TIMD4: variants seen among roughly 807,000 people sequenced by gnomAD.
TIMD4 encodes T cell immunoglobulin and mucin domain containing 4.
TIMD4 carries 31 observed loss-of-function variants against 41.2 expected under a neutral mutation model. The ratio of observed to expected loss-of-function variants is 0.75; its 90% CI spans 0.57 to 1.01. The LOEUF (loss-of-function observed/expected upper bound fraction) is 1.01, where lower values mean the gene tolerates loss of function less well. TIMD4 is among the 50% of genes least tolerant of loss of function. The pLI is 0.00. For missense variants in TIMD4, 479 were observed against 472.5 expected (o/e 1.01, Z -0.13); for synonymous variants, 204 against 177.1 (o/e 1.15, Z -1.21).
rs190122201 is a variant in TIMD4, at chr5:156,926,383, T to A, written c.845-71A>T. On this transcript the variant is annotated intron_variant, in intron 5 of 8. Transcript: ENST00000274532. ...ATAAAATATCACATCCTGAAATAGG[T>A]AATTAAGAGTCCATCTGGAACTGCA... is the stretch of plus-strand genomic sequence containing the variant. 23 of 1,489,916 alleles carry A rather than the reference T, an allele frequency of 1.5e-5. No individual in the cohort carries two copies. The Admixed American group carries it at 3.9e-4, about 25-fold the overall frequency. 92.3% of individuals were successfully genotyped at this position (1,489,916 alleles called of 1,614,324 possible). A position where few individuals can be genotyped will look rare whatever the true frequency, so the allele number is the denominator to read the frequency against.
chr5:156,944,101 A>T (rs1759694473), intron 5 of TIMD4, among the ~76,000 whole-genome samples: 1 of 152,018 alleles, frequency 6.6e-6, no homozygotes, highest in Non-Finnish European at 1.5e-5. Flanking sequence ...TTAATCCCAT[A>T]GGCGAAAAGT....
intron 5 of TIMD4, among the ~76,000 whole-genome samples, chr5:156,946,577 C>T (rs927658508): frequency 1.3e-5 from 2 of 151,920 alleles, no homozygotes; most frequent in African/African-American, 2.4e-5. Flanking sequence ...CCCAGGTTCA[C>T]GCCATTCTCC....
chr5:156,921,340 G>A (rs1212782311), intron 7 of TIMD4, among the ~76,000 whole-genome samples: 4 of 152,168 alleles, frequency 2.6e-5, no homozygotes, highest in South Asian at 2.1e-4. Flanking sequence ...CCAGGATCAC[G>A]CCAGGCATGG....
intron 1 of TIMD4, among the ~76,000 whole-genome samples, chr5:156,956,516 C>T (rs1759972508): frequency 6.6e-6 from 1 of 152,202 alleles, no homozygotes; most frequent in South Asian, 2.1e-4. Flanking sequence ...AGGCCAAGGC[C>T]AGTGCATATG....
chr5:156,928,666 G>C (rs1759390996), intron 5 of TIMD4, among the ~76,000 whole-genome samples: 1 of 152,122 alleles, frequency 6.6e-6, no homozygotes, highest in Non-Finnish European at 1.5e-5. Context: ...ATTTTGTAAG[G>C]CTCATAATTT....
Position 156,963,170 on chromosome 5 carries a change from A to G in TIMD4, c.29T>C (p.Leu10Pro), listed in dbSNP as rs951340884. 3 of 1,614,084 alleles carry G rather than the reference A, an allele frequency of 1.9e-6. No individual in the cohort carries two copies. In the Admixed American group the frequency reaches 5.0e-5, roughly 27 times the overall value. Reference sequence around the variant, plus strand: ...GTAAAGCCACCAAAACTCAATCATCAGCCAGAGAATGAGAGGTTCTTTGGA... The same window carrying G: ...GTAAAGCCACCAAAACTCAATCATCGGCCAGAGAATGAGAGGTTCTTTGGA... MSKEPLILW[L>P]MIEFWWLYLT... The change falls in exon 1 of 9, where the codon CTG (leucine) becomes CCG (proline). Residue 10 changes from leucine to proline, a missense_variant. Coordinates refer to ENST00000274532, the MANE Select transcript of TIMD4 (RefSeq NM_138379.3).
chr5:156,929,636 G>T (rs533325670), intron 5 of TIMD4, among the ~76,000 whole-genome samples: 3 of 152,192 alleles, frequency 2.0e-5, no homozygotes, highest in Non-Finnish European at 4.4e-5. Context: ...GAAGAGGCAA[G>T]GAAGGGTTCT....
intron 5 of TIMD4, among the ~76,000 whole-genome samples, chr5:156,942,777 T>C (rs1759671558): frequency 6.6e-6 from 1 of 152,228 alleles, no homozygotes; most frequent in Admixed American, 6.5e-5. Flanking sequence ...ACAGCTCTTT[T>C]TCAGCTGTAA....
chr5:156,958,752 G>A lies in TIMD4; in HGVS notation c.59-3996C>T, dbSNP rs760099887. Among the ~76,000 whole-genome samples the A allele has an allele frequency of 2.6e-5, 4 of 152,164 alleles. No individual in the cohort carries two copies. The South Asian group carries it at 8.3e-4, about 32-fold the overall frequency. On this transcript the variant is annotated intron_variant, in intron 1 of 8. Transcript: ENST00000274532. ...TTGACAAAGATGCCTATTTGCAAAT[G>A]TTTATTGCAGCCTCCATGTATATGT...
chr5:156,936,746 G>C (rs944094585), intron 5 of TIMD4, among the ~76,000 whole-genome samples: 1 of 150,858 alleles, frequency 6.6e-6, no homozygotes, highest in Non-Finnish European at 1.5e-5. Context: ...GTGAAACCCC[G>C]TCTCTACAAA....
At chr5:156,926,410 C>T in intron 5 of TIMD4, 98 bp from the exon 6 acceptor site, 1 of 1,186,334 alleles carries the variant, frequency 8.4e-7, no homozygotes, top group Non-Finnish European at 1.2e-6. Flanking sequence ...GGAACTGCAG[C>T]TGATGTGTTT....
intron 5 of TIMD4, among the ~76,000 whole-genome samples, chr5:156,944,431 C>A (rs1759700623): frequency 6.7e-6 from 1 of 149,644 alleles, no homozygotes; most frequent in Non-Finnish European, 1.5e-5. Context: ...AGTCCTCAGA[C>A]ACAGTTTAAA....
intron 3 of TIMD4, among the ~76,000 whole-genome samples, chr5:156,951,101 C>A (rs567055879): frequency 3.1e-4 from 47 of 151,744 alleles, no homozygotes; most frequent in African/African-American, 1.1e-3. Context: ...ACCCTCAGTA[C>A]CTTGGATGCA....
intron 6 of TIMD4, among the ~76,000 whole-genome samples, chr5:156,923,074 T>A (rs1308620575): frequency 6.6e-6 from 1 of 151,924 alleles, no homozygotes; most frequent in African/African-American, 2.4e-5. Context: ...TTTTTAATTT[T>A]AAAAAATGAG....
chr5:156,934,130 G>A (rs924011906), intron 5 of TIMD4, among the ~76,000 whole-genome samples: 6 of 152,026 alleles, frequency 3.9e-5, no homozygotes, highest in African/African-American at 7.3e-5. Flanking sequence ...TATCATCCCC[G>A]TTCCCATCCT....
At chr5:156,941,765 C>CT (rs972325188) in intron 5 of TIMD4, among the ~76,000 whole-genome samples, 41 of 152,332 alleles carry the variant, frequency 2.7e-4, no homozygotes, top group African/African-American at 9.6e-4. Flanking sequence ...ATGACTTACT[C>CT]ATTTTTACAT....
At chr5:156,948,927 G>A (rs1759797630) in intron 4 of TIMD4, among the ~76,000 whole-genome samples, 1 of 152,098 alleles carries the variant, frequency 6.6e-6, no homozygotes, top group African/African-American at 2.4e-5. Flanking sequence ...GCTCCATTAT[G>A]GTAACACCTC....
chr5:156,939,045 G>A (rs1264878821), intron 5 of TIMD4, among the ~76,000 whole-genome samples: 1 of 152,124 alleles, frequency 6.6e-6, no homozygotes, highest in African/African-American at 2.4e-5. Context: ...GCTCCTTTGT[G>A]GGGAGGGAGT....
In TIMD4 at chr5:156,951,578, G is replaced by C. The variant is rs781089950; in HGVS notation, c.613C>G (p.Leu205Val). The change falls in exon 3 of 9, where the codon CTT becomes GTT. Residue 205 changes from leucine (L) to valine (V), a missense_variant. By Grantham distance (32) the Leu-to-Val change is conservative (BLOSUM62 1). Coordinates refer to ENST00000274532, the MANE Select transcript of TIMD4 (RefSeq NM_138379.3). ...AGAAGACCTGTGGCTTCCTCCGGAA[G>C]GGTGCTTGGGGTTAGTGAAAGGCAC... ...NTCLSLTPSTLPEEATGLLTP... is the reference protein window; with the variant it reads ...NTCLSLTPSTVPEEATGLLTP... The C allele has an allele frequency of 1.2e-6, 2 of 1,614,006 alleles. No individual in the cohort carries two copies. Among genetic ancestry groups the C allele is most frequent in the African/African-American group, 2.7e-5 (2 of 74,870 alleles).
Sources: gnomAD v4.1 joint callset for allele counts (sites outside exome capture counted in the v4.1 genomes callset) on GRCh38, gnomAD v4.1.1 for gene constraint, MANE v1.5 for transcripts, NCBI Gene and HGNC (gene_info 2026-07-23, HGNC 2026-07-21) for gene names.